Variants in SEMA3F observed in about 807,000 individuals in gnomAD.
SEMA3F encodes the protein semaphorin 3F, also known as semaphorin-3F.
A neutral mutation model predicts 98.5 loss-of-function variants in SEMA3F; 30 were observed. The observed-to-expected ratio is 0.30, with a 90% confidence interval of 0.23 to 0.41. SEMA3F has a LOEUF of 0.41. Ranked by LOEUF, SEMA3F falls within the 10% of genes least tolerant of loss-of-function variation. The pLI is 1.00. For missense variants in SEMA3F, 866 were observed against 1,119.3 expected (o/e 0.77, Z 3.23); for synonymous variants, 380 against 444.8 (o/e 0.85, Z 1.83).
intron 12 of SEMA3F, 144 bp downstream of exon 12, chr3:50,183,708 TCA>T (rs1194568755): frequency 6.0e-6 from 5 of 830,432 alleles, no homozygotes; most frequent in South Asian, 3.4e-5. Flanking sequence ...AGACGGGCCT[TCA>T]CACACAGTGT....
At position 50,175,204 on chromosome 3, in the gene SEMA3F, C is replaced by T; in HGVS notation, c.549+16C>T. On this transcript the variant is annotated intron_variant, in intron 6 of 18. Transcript: ENST00000002829. ...CCCACGCCAGGTGGGCCTCATCCCTCCAGGCCTTTGCCAGGCAGCACTGCC... is the reference window on the plus strand; with the variant it reads ...CCCACGCCAGGTGGGCCTCATCCCTTCAGGCCTTTGCCAGGCAGCACTGCC... 1 of 1,551,902 alleles carries T rather than the reference C, an allele frequency of 6.4e-7. No individual in the cohort carries two copies. The highest frequency in any genetic ancestry group is 8.8e-7 in the Non-Finnish European group (1 of 1,137,436).
intron 2 of SEMA3F, among the ~76,000 whole-genome samples, chr3:50,163,858 G>A (rs931592797): frequency 8.5e-5 from 13 of 152,174 alleles, no homozygotes; most frequent in Middle Eastern, 3.2e-3. Context: ...TCCAGGATAC[G>A]CCAGGATGAG....
rs1359732335 is a variant in SEMA3F at position 50,181,769 on chromosome 3, T to C, written c.644-515T>C. On this transcript the variant is annotated intron_variant, in intron 7 of 18. Transcript: ENST00000002829. The stretch of plus-strand genomic sequence containing the variant: ...CCGTGTAGCTGGGATTACAGGCACC[T>C]GCCACCATGCCCAGAAAATTTCTGT... Among the ~76,000 whole-genome samples the C allele has an allele frequency of 1.3e-5, 2 of 152,092 alleles. 1 individual carries two copies. The highest frequency in any genetic ancestry group is 4.1e-4 in the South Asian group (2 of 4,822).
At chr3:50,185,591 C>CG in intron 14 of SEMA3F, 60 bp downstream of exon 14, 1 of 1,612,490 alleles carries the variant, frequency 6.2e-7, no homozygotes. Flanking sequence ...CAGTCCCAGC[C>CG]TCTGACCTGA....
intron 11 of SEMA3F, 74 bp downstream of exon 11, chr3:50,183,329 G>T: frequency 6.2e-7 from 1 of 1,604,308 alleles, no homozygotes; most frequent in Non-Finnish European, 8.5e-7. Context: ...GAGAACCCCA[G>T]CCCGGTGGCG....
intron 13 of SEMA3F, among the ~76,000 whole-genome samples, 190 bp from the exon 14 acceptor site, chr3:50,185,253 C>A (rs764494358): frequency 2.0e-5 from 3 of 152,190 alleles, no homozygotes; most frequent in Non-Finnish European, 2.9e-5. Context: ...TTGGTGGGGG[C>A]AGACCATGGC....
chr3:50,155,536 G>C lies in SEMA3F; in HGVS notation c.-77G>C, dbSNP rs879792261. ...CGCTCCGTGCCGCCGCCGCCGCCCG[G>C]GCGCCCAGGCCCCGCCGCTGCGGAA... On this transcript the variant is annotated 5_prime_UTR_variant, in exon 1 of 19. Coordinates refer to ENST00000002829, the MANE Select transcript of SEMA3F (RefSeq NM_004186.5). The surrounding 1 kb of genome is among the most constrained non-coding windows in gnomAD (Gnocchi z 4.9). 77 of 318,264 alleles carry C rather than the reference G, an allele frequency of 2.4e-4. No homozygotes were observed. The highest frequency in any genetic ancestry group is 4.0e-4 in the Admixed American group (8 of 19,976). The allele number at this position is 318,264 out of a possible 1,614,324, so 19.7% of individuals were successfully genotyped here. A position where few individuals can be genotyped will look rare whatever the true frequency, so the allele number is the denominator to read the frequency against.
chr3:50,168,809 ATAGCCTTGGC>A (rs1698501916), intron 2 of SEMA3F, among the ~76,000 whole-genome samples: 1 of 152,136 alleles, frequency 6.6e-6, no homozygotes, highest in South Asian at 2.1e-4. Context: ...CACTGCTACT[ATAGCCTTGGC>A]TACCTCAGTT....
intron 5 of SEMA3F, 88 bp from the exon 6 acceptor site, chr3:50,175,008 C>G: frequency 2.3e-6 from 2 of 866,874 alleles, no homozygotes; most frequent in Non-Finnish European, 3.8e-6. Flanking sequence ...GTGTTCCTGG[C>G]CTGTGTGGTG....
At chr3:50,176,928 G>A in intron 7 of SEMA3F, 67 bp downstream of exon 7, 1 of 1,280,926 alleles carries the variant, frequency 7.8e-7, no homozygotes, top group Non-Finnish European at 1.1e-6. Context: ...ATGGGGCATG[G>A]CACCAACACT....
At chr3:50,173,679 CTG>C in intron 2 of SEMA3F, 112 bp from the exon 3 acceptor site, 1 of 805,162 alleles carries the variant, frequency 1.2e-6, no homozygotes, top group Non-Finnish European at 2.0e-6. Flanking sequence ...AAAGACCACT[CTG>C]TGGTGGGGGT....
At chr3:50,159,550 T>C in intron 1 of SEMA3F, 25 bp from the exon 2 acceptor site, 1 of 905,078 alleles carries the variant, frequency 1.1e-6, no homozygotes, top group Non-Finnish European at 1.8e-6. Flanking sequence ...GCCTCACACA[T>C]TCCAATCTTG....
intron 7 of SEMA3F, among the ~76,000 whole-genome samples, chr3:50,179,327 TC>T (rs1342746060): frequency 6.6e-6 from 1 of 151,286 alleles, no homozygotes; most frequent in Non-Finnish European, 1.5e-5. Flanking sequence ...TTTCTTTCTT[TC>T]TTTTTTTTTT....
rs1186210998 is a variant in SEMA3F, at chr3:50,156,312, A to G, written c.-49+748A>G. Among the ~76,000 whole-genome samples, 1 of 152,200 alleles carries G rather than the reference A, an allele frequency of 6.6e-6. No individual in the cohort carries two copies. Among genetic ancestry groups the G allele is most frequent in the Non-Finnish European group, 1.5e-5 (1 of 68,022 alleles). On this transcript the variant is annotated intron_variant, in intron 1 of 18. Transcript: ENST00000002829. This position sits in a 1 kb window ranked among gnomAD's most constrained non-coding sequence, Gnocchi z 4.5. ...CAGCAGATGGGACAGGAGGGTATCA[A>G]AGTTGGCCTAGGAATGAGGCAGTGC...
Position 50,182,974 on chromosome 3 carries a change from C to G in SEMA3F, c.974C>G (p.Ser325Cys). The change falls in exon 10 of 19, where the codon TCT becomes TGT. Residue 325 changes from serine (S) to cysteine (C), a missense_variant. Around this residue, in one of 3 missense-constraint regions of SEMA3F, gnomAD observed 374 missense variants for 582.8 expected, o/e 0.64. Transcript: ENST00000002829. The surrounding 1 kb of genome is among the most constrained non-coding windows in gnomAD (Gnocchi z 4.5). ...TTCCTGAAGGCGCGGCTCGTCTGCT[C>G]TGTCCCGGGCGAGGATGGCATTGAG... ...STFLKARLVC[S>C]VPGEDGIETH... 1 of 1,613,898 alleles carries G rather than the reference C, an allele frequency of 6.2e-7. No individual in the cohort carries two copies. The highest frequency in any genetic ancestry group is 8.5e-7 in the Non-Finnish European group (1 of 1,180,004).
At chr3:50,170,615 C>G (rs1044944706) in intron 2 of SEMA3F, among the ~76,000 whole-genome samples, 11 of 152,042 alleles carry the variant, frequency 7.2e-5, no homozygotes, top group Non-Finnish European at 1.5e-4. Context: ...TCCTCAGGGT[C>G]ACTTTGAATA....
Position 50,176,751 on chromosome 3 carries a change from C to A in SEMA3F, c.550-17C>A. On this transcript the variant is annotated splice_polypyrimidine_tract_variant and intron_variant, in intron 6 of 18. Coordinates refer to ENST00000002829, the MANE Select transcript of SEMA3F (RefSeq NM_004186.5). ...GGGACTGGCCTGGACGATGCTGAGC[C>A]CCGCTCTGCCTTACAGGATTACATC... 3 of 1,581,442 alleles carry A rather than the reference C, an allele frequency of 1.9e-6. No individual in the cohort carries two copies. The highest frequency in any genetic ancestry group is 2.6e-6 in the Non-Finnish European group (3 of 1,151,916).
intron 2 of SEMA3F, among the ~76,000 whole-genome samples, chr3:50,169,038 G>A (rs1467906077): frequency 1.3e-5 from 2 of 152,064 alleles, no homozygotes; most frequent in Admixed American, 6.6e-5. Context: ...GGGAGGTGAC[G>A]CTGTCAGTCA....
In SEMA3F at chr3:50,187,916, C is replaced by T. The variant is rs182139438; in HGVS notation, c.2159C>T (p.Ala720Val). ...ATGAGCGCCCCGCCACCCCCAGGCG[C>T]AGGCCCCCCAACGCCTCCTTACCAG... ...LSMSAPPPPG[A>V]GPPTPPYQEL... The change falls in exon 19 of 19, where the codon GCA (alanine) becomes GTA (valine). Residue 720 changes from alanine (A) to valine (V), a missense_variant. Ala to Val is a moderately conservative substitution (Grantham distance 64, BLOSUM62 0). This residue lies in a region of SEMA3F where 245 missense variants were observed against 260.5 expected (regional missense o/e 0.94). Coordinates refer to ENST00000002829, the MANE Select transcript of SEMA3F (RefSeq NM_004186.5). 3.6e-4 allele frequency: 576 copies of T among 1,608,286 alleles called. 2 individuals carry two copies. In the East Asian group the frequency reaches 0.012, roughly 34 times the overall value.
Sources: allele counts gnomAD v4.1 joint callset (sites outside exome capture counted in the v4.1 genomes callset), GRCh38; gene constraint gnomAD v4.1.1; regional missense constraint gnomAD v4.1.1; non-coding constraint Gnocchi (gnomAD v3.1); transcripts MANE v1.5; gene names NCBI Gene and HGNC (gene_info 2026-07-23, HGNC 2026-07-21).